ABCB8: variants seen among roughly 807,000 people sequenced by gnomAD.
ABCB8 encodes the protein ATP binding cassette subfamily B member 8.
ABCB8 carries 52 observed loss-of-function variants against 73.0 expected under a neutral mutation model. The observed-to-expected ratio is 0.71, with a 90% CI of 0.57 to 0.90. The LOEUF is 0.90. Among genes scored for constraint, ABCB8 ranks in the 40% least tolerant of loss-of-function variants. The pLI is 0.00. For missense variants in ABCB8, 909 were observed against 974.6 expected (o/e 0.93, Z 0.90); for synonymous variants, 428 against 423.5 (o/e 1.01, Z -0.13).
chr7:151,031,631 GA>G (rs1796166525), intron 1 of ABCB8: 1 of 181,552 alleles, frequency 5.5e-6, no homozygotes, highest in African/African-American at 2.4e-5. Flanking sequence ...CCTCTGCTAT[GA>G]TCTTTTTTTT....
intron 13 of ABCB8, 144 bp from the exon 14 acceptor site, chr7:151,041,817 C>T: frequency 9.3e-7 from 1 of 1,079,256 alleles, no homozygotes; most frequent in African/African-American, 1.6e-5. Context: ...CTCACTTCAC[C>T]TCTGACTTTG....
At position 151,029,473 on chromosome 7, in the gene ABCB8, C is replaced by CT. The variant is rs748035568; in HGVS notation, c.95+872dup. ...ATGCTTTATGAGAAGGGACTGATTCCTTTTTTTTTCTTTTCTTTTCTTTTC... is the reference window on the plus strand; with the variant it reads ...ATGCTTTATGAGAAGGGACTGATTCCTTTTTTTTTTCTTTTCTTTTCTTTTC... On this transcript the variant is annotated intron_variant, in intron 1 of 15. Coordinates refer to ENST00000358849, the MANE Select transcript of ABCB8 (RefSeq NM_007188.5). 16 of 147,434 alleles carry CT rather than the reference C, an allele frequency of 1.1e-4. No individual in the cohort carries two copies. The East Asian group carries it at 2.0e-3, about 18-fold the overall frequency. 9.1% of individuals were successfully genotyped at this position (147,434 alleles called of 1,614,324 possible).
chr7:151,040,244 A>AC (rs1796418645), intron 9 of ABCB8, 24 bp from the exon 10 acceptor site: 1 of 1,605,698 alleles, frequency 6.2e-7, no homozygotes, highest in Admixed American at 1.7e-5. Flanking sequence ...CATCTATTCC[A>AC]CCCCTCTCTC....
Position 151,034,436 on chromosome 7 carries a change from C to T in ABCB8, c.564+8C>T, listed in dbSNP as rs761766569. The T allele has an allele frequency of 1.1e-5, 17 of 1,613,820 alleles. No homozygotes were observed. The highest frequency in any genetic ancestry group is 3.3e-5 in the South Asian group (3 of 91,070). Reference sequence around the variant, plus strand: ...ATCCTCTATGGTGTCCAGGTACAGCCGGGAGTGGGGCTGGGGACCGCCGAG... The same window carrying T: ...ATCCTCTATGGTGTCCAGGTACAGCTGGGAGTGGGGCTGGGGACCGCCGAG... On this transcript the variant is annotated splice_region_variant and intron_variant, in intron 3 of 15. Transcript: ENST00000358849.
chr7:151,040,237 C>T, intron 9 of ABCB8, 31 bp from the exon 10 acceptor site: 1 of 1,608,554 alleles, frequency 6.2e-7, no homozygotes, highest in Non-Finnish European at 8.5e-7. Flanking sequence ...TTGTTCCCAT[C>T]TATTCCACCC....
intron 3 of ABCB8, 21 bp from the exon 4 acceptor site, chr7:151,034,478 CCCTGAG>C (rs1796249823): frequency 6.2e-7 from 1 of 1,613,550 alleles, no homozygotes; most frequent in Non-Finnish European, 8.5e-7. Flanking sequence ...CCCGAGGCAT[CCCTGAG>C]TGCACTGGGC....
chr7:151,039,988 T>C, intron 9 of ABCB8: 2 of 446,646 alleles, frequency 4.5e-6, no homozygotes, highest in South Asian at 2.8e-5. Context: ...CACAGAGGCC[T>C]GTGCCTTCAC....
intron 1 of ABCB8, chr7:151,029,001 G>C: frequency 8.2e-7 from 1 of 1,214,636 alleles, no homozygotes; most frequent in Non-Finnish European, 1.1e-6. Flanking sequence ...AGTCGAAGAA[G>C]AACTAGAGAT....
At position 151,045,336 on chromosome 7, in the gene ABCB8, A is replaced by G; in HGVS notation, c.2144A>G (p.Gln715Arg). Residue 715 changes from glutamine (Q) to arginine (R), a missense_variant, in exon 16 of 16, where the codon CAG (glutamine) becomes CGG (arginine). Physicochemically the swap from Gln to Arg is conservative, Grantham distance 43. Coordinates refer to ENST00000358849, the MANE Select transcript of ABCB8 (RefSeq NM_007188.5). ...PKKPEGPRSH[Q>R]HKS is the part of the protein sequence containing the mutation. ...AAGCCAGAAGGCCCCAGGAGCCACC[A>G]GCACAAGTCCTGAGAAGGGCCCCCT... 1 of 1,580,360 alleles carries G rather than the reference A, an allele frequency of 6.3e-7. No individual in the cohort carries two copies. Among genetic ancestry groups the G allele is most frequent in the Non-Finnish European group, 8.6e-7 (1 of 1,163,046 alleles).
intron 13 of ABCB8, 114 bp downstream of exon 13, chr7:151,041,346 C>T (rs913422819): frequency 2.9e-6 from 4 of 1,362,860 alleles, no homozygotes; most frequent in South Asian, 3.0e-5. Flanking sequence ...TTGCTGCTCT[C>T]GGGAGACCCT....
At chr7:151,029,018 C>T (rs982666144) in intron 1 of ABCB8, 12 of 1,195,270 alleles carry the variant, frequency 1.0e-5, no homozygotes, top group Non-Finnish European at 1.2e-5. Flanking sequence ...AGATGTTCAG[C>T]AGGGATAAAG....
rs774677160 is a variant in ABCB8 at position 151,044,010 on chromosome 7, G to A, written c.1805G>A (p.Arg602His). Reference sequence around the variant, plus strand: ...ACCCTGTCTGGGGGCCAGAAGCAGCGCCTGGCCATCGCCCGAGCCCTTATC... The same window carrying A: ...ACCCTGTCTGGGGGCCAGAAGCAGCACCTGGCCATCGCCCGAGCCCTTATC... ...GTTLSGGQKQ[R>H]LAIARALIKQ... Residue 602 changes from arginine to histidine, a missense_variant, in exon 15 of 16, where the codon CGC becomes CAC. Transcript: ENST00000358849. 4.1e-5 allele frequency: 66 copies of A among 1,612,752 alleles called. No individual in the cohort carries two copies. The highest frequency in any genetic ancestry group is 8.8e-5 in the South Asian group (8 of 91,034).
intron 9 of ABCB8, chr7:151,037,397 C>T: frequency 1.4e-5 from 10 of 697,712 alleles, no homozygotes; most frequent in Non-Finnish European, 2.6e-5. Flanking sequence ...ACACACCCCA[C>T]CCTTATAGCT....
chr7:151,045,538 C>G lies in ABCB8; in HGVS notation c.*189C>G. ...GAGGCCAATCCCTCCCTCCCCTCCC[C>G]AGTCCTGCCGGCTGCCTCCCTCCCA... On this transcript the variant is annotated 3_prime_UTR_variant, in exon 16 of 16. Coordinates refer to ENST00000358849, the MANE Select transcript of ABCB8 (RefSeq NM_007188.5). The G allele has an allele frequency of 1.5e-6, 1 of 662,868 alleles. No individual in the cohort carries two copies. The allele number at this position is 662,868 out of a possible 1,614,324, so 41.1% of individuals were successfully genotyped here.
In ABCB8 at chr7:151,046,608, T is replaced by A. The variant is rs1191916513; in HGVS notation, c.*1259T>A. On this transcript the variant is annotated 3_prime_UTR_variant, in exon 16 of 16. Transcript: ENST00000358849. Reference sequence around the variant, plus strand: ...TCCAGCCACATCCAGGCTGTGGGACTACACGGTGCCCTGTTCCCCTGGGCA... The same window carrying A: ...TCCAGCCACATCCAGGCTGTGGGACAACACGGTGCCCTGTTCCCCTGGGCA... The A allele has an allele frequency of 1.3e-5, 2 of 152,294 alleles. No individual in the cohort carries two copies. The highest frequency in any genetic ancestry group is 4.8e-5 in the African/African-American group (2 of 41,466). 9.4% of individuals were successfully genotyped at this position (152,294 alleles called of 1,614,324 possible). A position where few individuals can be genotyped will look rare whatever the true frequency, so the allele number is the denominator to read the frequency against.
intron 15 of ABCB8, among the ~76,000 whole-genome samples, chr7:151,044,649 C>T (rs570314275): frequency 1.2e-4 from 18 of 152,166 alleles, no homozygotes; most frequent in Middle Eastern, 3.4e-3. Flanking sequence ...GAGGCGGAGG[C>T]GGGAGGATTA....
Position 151,042,086 on chromosome 7 carries a change from C to T in ABCB8, c.1743C>T (p.Pro581=), listed in dbSNP as rs759575862. ...ANAHEFITSF[P]EGYNTVVGER... The stretch of plus-strand genomic sequence containing the variant: ...CTCACGAGTTCATCACCAGCTTCCC[C>T]GAGGGCTACAACACGGTCGTCGGTG... Residue 581 remains proline (P), a synonymous_variant, in exon 14 of 16, where the codon CCC becomes CCT. Transcript: ENST00000358849. The T allele has an allele frequency of 8.7e-6, 14 of 1,613,126 alleles. No individual in the cohort carries two copies. Among genetic ancestry groups the T allele is most frequent in the African/African-American group, 4.0e-5 (3 of 75,038 alleles).
intron 13 of ABCB8, 151 bp downstream of exon 13, chr7:151,041,383 T>G (rs1796461715): frequency 8.8e-7 from 1 of 1,139,412 alleles, no homozygotes; most frequent in Non-Finnish European, 1.2e-6. Flanking sequence ...CCTCAGCTGT[T>G]GTCTGGGTGA....
chr7:151,037,663 G>A (rs1796347449), intron 9 of ABCB8: 1 of 330,418 alleles, frequency 3.0e-6, no homozygotes. Flanking sequence ...CGACCCCCCT[G>A]CTCTTCCACC....
Sources: allele counts gnomAD v4.1 joint callset (sites outside exome capture counted in the v4.1 genomes callset), GRCh38; gene constraint gnomAD v4.1.1; transcripts MANE v1.5; gene names NCBI Gene and HGNC (gene_info 2026-07-23, HGNC 2026-07-21).